SPAG9: variants seen among roughly 807,000 people sequenced by gnomAD.
SPAG9 encodes the protein C-Jun-amino-terminal kinase-interacting protein 4.
SPAG9 carries 35 observed loss-of-function variants against 166.5 expected under a neutral mutation model. That is an observed-to-expected ratio of 0.21 (90% CI 0.16 to 0.28). SPAG9 has a LOEUF of 0.28. Ranked by LOEUF, SPAG9 falls within the 10% of genes least tolerant of loss-of-function variation. The pLI is 1.00. For synonymous variants in SPAG9, 534 were observed against 565.5 expected (o/e 0.94, Z 0.79); for missense variants, 1,235 against 1,603.3 (o/e 0.77, Z 3.92).
chr17:51,021,249 T>A lies in SPAG9; in HGVS notation c.900A>T (p.Gly300=). Residue 300 remains glycine, a synonymous_variant, in exon 7 of 30, where the codon GGA becomes GGT. Transcript: ENST00000262013. ...TTGGCGCATCTGTAACCTTCACAAATCCTTCGTTTTCTTCCTTTAAGGGAG... is the reference window on the plus strand; with the variant it reads ...TTGGCGCATCTGTAACCTTCACAAAACCTTCGTTTTCTTCCTTTAAGGGAG... ...TDTPLKEENE[G]FVKVTDAPNK... is the part of the protein sequence containing the mutation. The A allele has an allele frequency of 6.2e-7, 1 of 1,614,162 alleles. No homozygotes were observed. Among genetic ancestry groups the A allele is most frequent in the Non-Finnish European group, 8.5e-7 (1 of 1,180,010 alleles).
chr17:50,983,412 A>G (rs2143745481), intron 24 of SPAG9, among the ~76,000 whole-genome samples: 1 of 152,192 alleles, frequency 6.6e-6, no homozygotes, highest in South Asian at 2.1e-4. Flanking sequence ...CAGTTTACAG[A>G]CCCTTCATCC....
At chr17:51,036,153 T>C (rs191759388) in intron 5 of SPAG9, among the ~76,000 whole-genome samples, 4 of 152,166 alleles carry the variant, frequency 2.6e-5, no homozygotes, top group African/African-American at 7.2e-5. Context: ...CTTGTAAGCA[T>C]AGCAACAACC....
At chr17:51,017,578 G>A (rs1049728915) in intron 8 of SPAG9, among the ~76,000 whole-genome samples, 4 of 151,866 alleles carry the variant, frequency 2.6e-5, no homozygotes, top group African/African-American at 9.7e-5. Context: ...TGAATCCCAA[G>A]TCCACCTCTT....
chr17:51,012,671 TTCTG>T (rs2144086544), intron 9 of SPAG9, among the ~76,000 whole-genome samples: 1 of 152,158 alleles, frequency 6.6e-6, no homozygotes, highest in Non-Finnish European at 1.5e-5. Context: ...GACAATCCCT[TTCTG>T]TCTAACTATA....
chr17:51,115,213 C>T (rs1265738714), intron 1 of SPAG9, among the ~76,000 whole-genome samples: 1 of 152,074 alleles, frequency 6.6e-6, no homozygotes, highest in Non-Finnish European at 1.5e-5. Flanking sequence ...TGGTAAGAAA[C>T]AGGGTCTTGC....
At position 51,120,270 on chromosome 17, in the gene SPAG9, C is replaced by G. The variant is rs1177081191; in HGVS notation, c.303+84G>C. 48 of 1,254,196 alleles carry G rather than the reference C, an allele frequency of 3.8e-5. No homozygotes were observed. Among genetic ancestry groups the G allele is most frequent in the Non-Finnish European group, 4.8e-5 (46 of 953,596 alleles). The allele number at this position is 1,254,196 out of a possible 1,614,324, so 77.7% of individuals were successfully genotyped here. A position where few individuals can be genotyped will look rare whatever the true frequency, so the allele number is the denominator to read the frequency against. ...CCGCCCTCCAGGAGGCCCGTCGCGC[C>G]TCTAGTCCCCGACCGGGCCGCGACC... On this transcript the variant is annotated intron_variant, in intron 1 of 29. Transcript: ENST00000262013. The surrounding 1 kb of genome is among the most constrained non-coding windows in gnomAD (Gnocchi z 4.7).
Position 51,021,224 on chromosome 17 carries a change from T to C in SPAG9, c.925A>G (p.Asn309Asp). 6.8e-6 allele frequency: 11 copies of C among 1,614,148 alleles called. No homozygotes were observed. Among genetic ancestry groups the C allele is most frequent in the East Asian group, 2.2e-5 (1 of 44,868 alleles). Residue 309 changes from asparagine to aspartate, a missense_variant, in exon 7 of 30, where the codon AAT becomes GAT. Physicochemically the swap from Asn to Asp is conservative, Grantham distance 23. This residue lies in a region of SPAG9 where 288 missense variants were observed against 323.7 expected (regional missense o/e 0.89). Coordinates refer to ENST00000262013, the MANE Select transcript of SPAG9 (RefSeq NM_001130528.3). Reference sequence around the variant, plus strand: ...ATGTGTTTGCTTATCTCTGATTTATTTGGCGCATCTGTAACCTTCACAAAT... The same window carrying C: ...ATGTGTTTGCTTATCTCTGATTTATCTGGCGCATCTGTAACCTTCACAAAT... The part of the protein sequence containing the change: ...EGFVKVTDAP[N>D]KSEISKHIEV...
At chr17:51,094,766 A>C (rs1303495645) in intron 1 of SPAG9, among the ~76,000 whole-genome samples, 2 of 152,158 alleles carry the variant, frequency 1.3e-5, no homozygotes, top group Non-Finnish European at 2.9e-5. Context: ...TATATCTCTT[A>C]AGTCTCTTTT....
chr17:51,000,519 A>G (rs1277201044), intron 13 of SPAG9, among the ~76,000 whole-genome samples: 1 of 152,104 alleles, frequency 6.6e-6, no homozygotes, highest in Admixed American at 6.6e-5. Context: ...GGATCACTTG[A>G]GGTCAAAAGT....
At chr17:50,992,129 C>T (rs966452473) in intron 19 of SPAG9, among the ~76,000 whole-genome samples, 1 of 151,536 alleles carries the variant, frequency 6.6e-6, no homozygotes, top group African/African-American at 2.4e-5. Flanking sequence ...CTCAAGTGAT[C>T]GTCCCACCTT....
At chr17:51,007,765 G>C (rs1215701170) in intron 9 of SPAG9, 2 of 411,682 alleles carry the variant, frequency 4.9e-6, no homozygotes, top group Non-Finnish European at 9.4e-6. Flanking sequence ...CTAAAAATTA[G>C]ACCTTATTAA....
chr17:50,989,554 G>T (rs943867927), intron 21 of SPAG9, 123 bp downstream of exon 21: 8 of 787,276 alleles, frequency 1.0e-5, no homozygotes, highest in African/African-American at 3.4e-5. Flanking sequence ...ACAAGAATAG[G>T]TATCTTTTAA....
chr17:50,998,482 A>G lies in SPAG9; in HGVS notation c.1800T>C (p.Pro600=). ...KKRSSTLSQL[P]GDKSKAFDFL... ...AATCAAAGGCTTTGGACTTATCCCC[A>G]GGGAGCTGAGATAAGGTGCTGCTTC... Residue 600 remains proline, a synonymous_variant, in exon 15 of 30, where the codon CCT becomes CCC. Coordinates refer to ENST00000262013, the MANE Select transcript of SPAG9 (RefSeq NM_001130528.3). 1 of 1,614,144 alleles carries G rather than the reference A, an allele frequency of 6.2e-7. No individual in the cohort carries two copies. Among genetic ancestry groups the G allele is most frequent in the Non-Finnish European group, 8.5e-7 (1 of 1,179,966 alleles).
intron 1 of SPAG9, among the ~76,000 whole-genome samples, chr17:51,092,544 T>C (rs2048495368): frequency 2.6e-5 from 4 of 151,720 alleles, no homozygotes; most frequent in Non-Finnish European, 5.9e-5. Flanking sequence ...AATGGTGTTG[T>C]GGTTATATTT....
intron 1 of SPAG9, among the ~76,000 whole-genome samples, chr17:51,081,382 C>T (rs529626721): frequency 6.6e-6 from 1 of 152,018 alleles, no homozygotes; most frequent in South Asian, 2.1e-4. Flanking sequence ...ACCCAGGAGA[C>T]GGAGGTTACA....
At chr17:51,079,514 C>T (rs1598143514) in intron 2 of SPAG9, 70 bp downstream of exon 2, 1 of 1,497,842 alleles carries the variant, frequency 6.7e-7, no homozygotes, top group Non-Finnish European at 9.2e-7. Flanking sequence ...GCTGGGATTA[C>T]AGGCGTGAGC....
intron 6 of SPAG9, among the ~76,000 whole-genome samples, chr17:51,024,927 G>A (rs998598754): frequency 1.1e-4 from 17 of 151,108 alleles, no homozygotes; most frequent in African/African-American, 4.1e-4. Flanking sequence ...GCTGAGGCAG[G>A]AGAATCGCTT....
intron 1 of SPAG9, among the ~76,000 whole-genome samples, chr17:51,114,970 G>A (rs904628505): frequency 3.3e-5 from 5 of 151,674 alleles, no homozygotes; most frequent in African/African-American, 1.2e-4. Flanking sequence ...AAAAAATTAT[G>A]AATGAATGAG....
At chr17:51,110,303 C>T (rs2049069603) in intron 1 of SPAG9, among the ~76,000 whole-genome samples, 1 of 151,766 alleles carries the variant, frequency 6.6e-6, no homozygotes, top group African/African-American at 2.4e-5. Context: ...AATGTACTTT[C>T]CATTTTTCTA....
Sources: gnomAD v4.1 joint callset for allele counts (sites outside exome capture counted in the v4.1 genomes callset) on GRCh38, gnomAD v4.1.1 for gene constraint, gnomAD v4.1.1 regional missense constraint, Gnocchi (gnomAD v3.1) non-coding constraint, MANE v1.5 for transcripts, NCBI Gene and HGNC (gene_info 2026-07-23, HGNC 2026-07-21) for gene names.